AIDA: variants seen among roughly 807,000 people sequenced by gnomAD.
AIDA encodes axin interactor, dorsalization associated, also known as axin interactor, dorsalization-associated protein.
Under a neutral mutation model 42.7 loss-of-function variants are expected in AIDA, and 18 were observed. The observed-to-expected ratio is 0.42, with a 90% CI of 0.29 to 0.63. The LOEUF is 0.63. Among genes scored for constraint, AIDA ranks in the 20% least tolerant of loss-of-function variants. AIDA has a pLI of 0.19. For missense variants in AIDA, 250 were observed against 354.1 expected, an observed-to-expected ratio of 0.71 and a Z score of 2.36; for synonymous variants, 104 against 122.9, an observed-to-expected ratio of 0.85 and a Z score of 1.02.
At chr1:222,700,011 G>T (rs1453125315) in intron 2 of AIDA, among the ~76,000 whole-genome samples, 1 of 152,076 alleles carries the variant, frequency 6.6e-6, no homozygotes, top group African/African-American at 2.4e-5. Context: ...GCCCACCTCG[G>T]CCTCCCAAAG....
chr1:222,696,013 A>T (rs536890528), intron 2 of AIDA, among the ~76,000 whole-genome samples: 4 of 152,316 alleles, frequency 2.6e-5, no homozygotes, highest in African/African-American at 9.6e-5. Context: ...AAAATAAACC[A>T]CTACTGAGCA....
chr1:222,702,239 G>T (rs1655729521), intron 2 of AIDA, among the ~76,000 whole-genome samples: 1 of 152,112 alleles, frequency 6.6e-6, no homozygotes, highest in Non-Finnish European at 1.5e-5. Context: ...TAAAATGGAT[G>T]TTGTTAGGCT....
chr1:222,687,547 G>C (rs1468960769), intron 5 of AIDA, 48 bp downstream of exon 5: 6 of 1,415,364 alleles, frequency 4.2e-6, no homozygotes, highest in Admixed American at 2.4e-5. Flanking sequence ...CTATCTGAAA[G>C]AGAGGTATAA....
At chr1:222,677,799 A>G (rs988083710) in intron 6 of AIDA, among the ~76,000 whole-genome samples, 1 of 152,158 alleles carries the variant, frequency 6.6e-6, no homozygotes, top group Non-Finnish European at 1.5e-5. Flanking sequence ...TTTCTGTAAT[A>G]GTCCATGTAT....
rs1553294373 is a variant in AIDA at position 222,689,481 on chromosome 1, G to GTATGTATATATA, written c.290-1824_290-1823insTATATATACATA. On this transcript the variant is annotated intron_variant, in intron 4 of 9. Coordinates refer to ENST00000340020, the MANE Select transcript of AIDA (RefSeq NM_022831.4). ...AAAGAAAATATGTATGTGTGTGTGT[G>GTATGTATATATA]TATATATATATATATATATATATAT... Among the ~76,000 whole-genome samples the GTATGTATATATA allele has an allele frequency of 1.1e-3, 39 of 35,358 alleles. 1 individual carries two copies. The highest frequency in any genetic ancestry group is 2.6e-3 in the Admixed American group (5 of 1,898). The allele number at this position is 35,358 out of a possible 152,430, so 23.2% of individuals were successfully genotyped here.
At chr1:222,705,673 A>T (rs2124969915) in intron 1 of AIDA, among the ~76,000 whole-genome samples, 1 of 152,308 alleles carries the variant, frequency 6.6e-6, no homozygotes, top group East Asian at 1.9e-4. Flanking sequence ...ACCTGAGGTG[A>T]GGAGTTCGAG....
At chr1:222,688,054 C>T (rs959920983) in intron 4 of AIDA, among the ~76,000 whole-genome samples, 1 of 151,940 alleles carries the variant, frequency 6.6e-6, no homozygotes, top group African/African-American at 2.4e-5. Flanking sequence ...CCTATCTCTA[C>T]AAAATAAAAA....
intron 8 of AIDA, among the ~76,000 whole-genome samples, chr1:222,671,499 G>A (rs1031430456): frequency 6.6e-6 from 1 of 152,122 alleles, no homozygotes; most frequent in Non-Finnish European, 1.5e-5. Context: ...TGCCGCTGAT[G>A]ACAAAACTCA....
At chr1:222,689,853 C>A (rs903579180) in intron 4 of AIDA, among the ~76,000 whole-genome samples, 1 of 151,916 alleles carries the variant, frequency 6.6e-6, no homozygotes, top group Non-Finnish European at 1.5e-5. Flanking sequence ...ATCCACTTAT[C>A]ACTCACTCAC....
intron 2 of AIDA, among the ~76,000 whole-genome samples, chr1:222,699,270 A>G: frequency 6.6e-6 from 1 of 152,254 alleles, no homozygotes; most frequent in East Asian, 1.9e-4. Context: ...TAAAAAACAT[A>G]AACAACAATT....
At chr1:222,699,970 C>A (rs577572596) in intron 2 of AIDA, among the ~76,000 whole-genome samples, 1 of 152,034 alleles carries the variant, frequency 6.6e-6, no homozygotes, top group African/African-American at 2.4e-5. Flanking sequence ...CGGGGTTTCA[C>A]CGTGAATTCG....
intron 1 of AIDA, among the ~76,000 whole-genome samples, chr1:222,708,430 C>T (rs1235270596): frequency 6.6e-6 from 1 of 151,654 alleles, no homozygotes; most frequent in African/African-American, 2.4e-5. Flanking sequence ...TGCAGTGGCA[C>T]GATCTCCCCT....
At chr1:222,682,984 G>A (rs1024865629) in intron 6 of AIDA, among the ~76,000 whole-genome samples, 1 of 152,114 alleles carries the variant, frequency 6.6e-6, no homozygotes, top group Non-Finnish European at 1.5e-5. Context: ...AGAAATCGTT[G>A]TAAAATATTA....
intron 7 of AIDA, among the ~76,000 whole-genome samples, chr1:222,674,234 A>C (rs113086465): frequency 1.5e-3 from 230 of 152,272 alleles, no homozygotes; most frequent in Admixed American, 2.6e-3. Flanking sequence ...GCAGGTGACC[A>C]CAGAGGCATG....
intron 4 of AIDA, among the ~76,000 whole-genome samples, chr1:222,690,321 T>C (rs1427918570): frequency 6.6e-6 from 1 of 152,238 alleles, no homozygotes; most frequent in African/African-American, 2.4e-5. Flanking sequence ...GTGACCAATC[T>C]GTATTTCAAT....
At chr1:222,671,399 G>C (rs1405203838) in intron 8 of AIDA, among the ~76,000 whole-genome samples, 1 of 152,186 alleles carries the variant, frequency 6.6e-6, no homozygotes, top group East Asian at 1.9e-4. Context: ...AAGGAAGTCA[G>C]TGTCTCACTC....
At chr1:222,681,053 A>G (rs764806374) in intron 6 of AIDA, among the ~76,000 whole-genome samples, 3 of 152,170 alleles carry the variant, frequency 2.0e-5, no homozygotes, top group Non-Finnish European at 4.4e-5. Context: ...GAGTCTAAAA[A>G]TTTTACCAAT....
At chr1:222,681,509 C>T (rs1664651886) in intron 6 of AIDA, among the ~76,000 whole-genome samples, 1 of 152,002 alleles carries the variant, frequency 6.6e-6, no homozygotes, top group African/African-American at 2.4e-5. Context: ...ACTAAAAATA[C>T]AAAAATGAGC....
Position 222,686,917 on chromosome 1 carries a change from A to C in AIDA, c.460+13T>G, listed in dbSNP as rs752544437. 1 of 1,610,506 alleles carries C rather than the reference A, an allele frequency of 6.2e-7. No individual in the cohort carries two copies. Among genetic ancestry groups the C allele is most frequent in the Non-Finnish European group, 8.5e-7 (1 of 1,179,016 alleles). ...CAGTTAAATAATGTTTATTTTTAATAAGTGATACCTACCGGGAACTCTAGC... is the reference window on the plus strand; with the variant it reads ...CAGTTAAATAATGTTTATTTTTAATCAGTGATACCTACCGGGAACTCTAGC... On this transcript the variant is annotated intron_variant, in intron 6 of 9. Transcript: ENST00000340020.
Sources: allele counts gnomAD v4.1 joint callset (sites outside exome capture counted in the v4.1 genomes callset), GRCh38; gene constraint gnomAD v4.1.1; transcripts MANE v1.5; gene names NCBI Gene and HGNC (gene_info 2026-07-23, HGNC 2026-07-21).